Variants in GRIN2B observed in about 807,000 individuals in gnomAD.
GRIN2B encodes the protein glutamate ionotropic receptor NMDA type subunit 2B, also known as glutamate receptor ionotropic, NMDA 2B.
Under a neutral mutation model 114.5 loss-of-function variants are expected in GRIN2B, and 5 were observed. That is an observed-to-expected ratio of 0.04 (90% CI 0.02 to 0.09). The LOEUF (loss-of-function observed/expected upper bound fraction) is 0.09. Ranked by LOEUF, GRIN2B falls within the 10% of genes least tolerant of loss-of-function variation. GRIN2B has a pLI of 1.00. For missense variants in GRIN2B, 1,108 were observed against 1,943.5 expected, an observed-to-expected ratio of 0.57 and a Z score of 8.08; for synonymous variants, 787 against 745.1, an observed-to-expected ratio of 1.06 and a Z score of -0.92.
chr12:13,545,384 ATGGACTTTG>A lies in GRIN2B; in HGVS notation c.*17390_*17398del, dbSNP rs1196015243. On this transcript the variant is annotated 3_prime_UTR_variant, in exon 14 of 14. Transcript: ENST00000609686. The stretch of plus-strand genomic sequence containing the variant: ...ATCAACATACAAACTTCAAGAGGGT[ATGGACTTTG>A]TGTGGTTCGTTCTTATATTCCAGCA... 2 of 152,162 alleles carry A rather than the reference ATGGACTTTG, an allele frequency of 1.3e-5. No individual in the cohort carries two copies. The highest frequency in any genetic ancestry group is 6.5e-5 in the Admixed American group (1 of 15,276). The allele number at this position is 152,162 out of a possible 1,614,324, so 9.4% of individuals were successfully genotyped here. A position where few individuals can be genotyped will look rare whatever the true frequency, so the allele number is the denominator to read the frequency against.
At chr12:13,617,212 G>C (rs1456646832) in intron 5 of GRIN2B, among the ~76,000 whole-genome samples, 1 of 152,200 alleles carries the variant, frequency 6.6e-6, no homozygotes, top group East Asian at 1.9e-4. Flanking sequence ...ATCTAAATTG[G>C]AATAAAATTA....
intron 4 of GRIN2B, among the ~76,000 whole-genome samples, chr12:13,721,414 C>A (rs762058628): frequency 4.6e-5 from 7 of 151,766 alleles, no homozygotes; most frequent in Admixed American, 1.3e-4. Context: ...TTGCAGGAAT[C>A]CTGGAAAAGG....
chr12:13,811,141 T>C (rs1414075065), intron 3 of GRIN2B, among the ~76,000 whole-genome samples: 4 of 152,310 alleles, frequency 2.6e-5, no homozygotes, highest in Non-Finnish European at 5.9e-5. Context: ...TTTATAAGTG[T>C]TCGGGAAGGG....
chr12:13,794,038 C>CAAAAAAAAAAA (rs59335663), intron 3 of GRIN2B, among the ~76,000 whole-genome samples: 2 of 79,220 alleles, frequency 2.5e-5, no homozygotes, highest in Non-Finnish European at 4.6e-5. Flanking sequence ...CCCATCTCTA[C>CAAAAAAAAAAA]AAAAAAAAAA....
chr12:13,779,898 G>A (rs770616351), intron 3 of GRIN2B, among the ~76,000 whole-genome samples: 3 of 152,202 alleles, frequency 2.0e-5, no homozygotes, highest in Non-Finnish European at 4.4e-5. Context: ...TTATAATTTA[G>A]TGAGAAGGCA....
chr12:13,867,580 TC>T (rs1355348407), intron 2 of GRIN2B, among the ~76,000 whole-genome samples: 85 of 152,338 alleles, frequency 5.6e-4, no homozygotes, highest in African/African-American at 1.8e-3. Flanking sequence ...TTATTGTACA[TC>T]TTTTATATGC....
chr12:13,935,265 C>A (rs1867106431), intron 2 of GRIN2B, among the ~76,000 whole-genome samples: 2 of 152,148 alleles, frequency 1.3e-5, no homozygotes, highest in South Asian at 2.1e-4. Flanking sequence ...TGACTATAAG[C>A]CATAGTTAGT....
At chr12:13,758,094 G>C (rs760931662) in intron 3 of GRIN2B, among the ~76,000 whole-genome samples, 1 of 152,138 alleles carries the variant, frequency 6.6e-6, no homozygotes, top group Non-Finnish European at 1.5e-5. Context: ...CTGAATGACT[G>C]GCTGTTACAG....
rs1189850474 is a variant in GRIN2B at position 13,545,769 on chromosome 12, C to T, written c.*17014G>A. 1 of 152,128 alleles carries T rather than the reference C, an allele frequency of 6.6e-6. No homozygotes were observed. Among genetic ancestry groups the T allele is most frequent in the East Asian group, 1.9e-4 (1 of 5,190 alleles). 9.4% of individuals were successfully genotyped at this position (152,128 alleles called of 1,614,324 possible). ...TCCCCTGCGGCCTAACTCCCAAATC[C>T]CCTTCAGCTATAGTGAAATACACAG... On this transcript the variant is annotated 3_prime_UTR_variant, in exon 14 of 14. Transcript: ENST00000609686.
At chr12:13,742,717 C>T (rs745906804) in intron 4 of GRIN2B, among the ~76,000 whole-genome samples, 4 of 152,194 alleles carry the variant, frequency 2.6e-5, no homozygotes, top group Non-Finnish European at 4.4e-5. Flanking sequence ...AGGCATGAGC[C>T]ACTGTGCCCG....
chr12:13,651,635 T>C (rs533694260), intron 5 of GRIN2B, among the ~76,000 whole-genome samples: 257 of 152,228 alleles, frequency 1.7e-3, no homozygotes, highest in Middle Eastern at 6.8e-3. Flanking sequence ...CCATTGCTGA[T>C]ATTTCCCACT....
At chr12:13,571,202 G>A (rs1948704191) in intron 11 of GRIN2B, among the ~76,000 whole-genome samples, 1 of 152,076 alleles carries the variant, frequency 6.6e-6, no homozygotes, top group Non-Finnish European at 1.5e-5. Context: ...ATAATGCTCT[G>A]TTATCCATTA....
chr12:13,629,313 C>T (rs1254331338), intron 5 of GRIN2B, among the ~76,000 whole-genome samples: 1 of 152,186 alleles, frequency 6.6e-6, no homozygotes, highest in Non-Finnish European at 1.5e-5. Flanking sequence ...TATCCAAGGT[C>T]ATTGCATCTC....
chr12:13,882,299 A>G (rs1866083637), intron 2 of GRIN2B, among the ~76,000 whole-genome samples: 1 of 152,206 alleles, frequency 6.6e-6, no homozygotes, highest in African/African-American at 2.4e-5. Context: ...GCAGAGGACT[A>G]GTGAAGTGCT....
At chr12:13,927,276 A>C (rs1026182900) in intron 2 of GRIN2B, among the ~76,000 whole-genome samples, 26 of 152,200 alleles carry the variant, frequency 1.7e-4, no homozygotes, top group Admixed American at 1.5e-3. Flanking sequence ...TAACAGCAGT[A>C]TTTCCCTGGA....
intron 10 of GRIN2B, among the ~76,000 whole-genome samples, chr12:13,586,968 A>C (rs909926611): frequency 6.6e-6 from 1 of 152,210 alleles, no homozygotes; most frequent in South Asian, 2.1e-4. Context: ...ATATGTGAGC[A>C]CCTATATGTA....
At chr12:13,965,420 T>C (rs552707481) in intron 2 of GRIN2B, among the ~76,000 whole-genome samples, 1 of 152,332 alleles carries the variant, frequency 6.6e-6, no homozygotes, top group Admixed American at 6.5e-5. Context: ...GGCCACTTCT[T>C]TGTTAAAGAC....
At chr12:13,965,989 G>A (rs1867784675) in intron 2 of GRIN2B, among the ~76,000 whole-genome samples, 1 of 152,146 alleles carries the variant, frequency 6.6e-6, no homozygotes, top group Admixed American at 6.5e-5. Context: ...AGAGCAAGCT[G>A]ATCTCCTAAA....
rs1555156758 is a variant in GRIN2B, at chr12:13,916,737, T to TCACAAA, written c.-18-50512_-18-50511insTTTGTG. ...TACACACACACACACACACACACAT[T>TCACAAA]TGTGTGTGTGTGTGTGTGTGTGTAT... is the stretch of plus-strand genomic sequence containing the variant. On this transcript the variant is annotated intron_variant, in intron 2 of 13. Transcript: ENST00000609686. Among the ~76,000 whole-genome samples the TCACAAA allele has an allele frequency of 7.1e-5, 10 of 139,942 alleles. No individual in the cohort carries two copies. The East Asian group carries it at 1.1e-3, about 16-fold the overall frequency. 91.8% of individuals were successfully genotyped at this position (139,942 alleles called of 152,430 possible). A position where few individuals can be genotyped will look rare whatever the true frequency, so the allele number is the denominator to read the frequency against.
Sources: allele counts gnomAD v4.1 joint callset (sites outside exome capture counted in the v4.1 genomes callset), GRCh38; gene constraint gnomAD v4.1.1; transcripts MANE v1.5; gene names NCBI Gene and HGNC (gene_info 2026-07-23, HGNC 2026-07-21).